Variants in RBMS3 observed in about 807,000 individuals in gnomAD.
The protein encoded by RBMS3 is RNA-binding motif, single-stranded-interacting protein 3.
In RBMS3, 27 loss-of-function variants were observed where a neutral mutation model predicts 66.8. The ratio of observed to expected loss-of-function variants is 0.40; its 90% confidence interval spans 0.30 to 0.56. The LOEUF (loss-of-function observed/expected upper bound fraction) is 0.56, where lower values mean the gene tolerates loss of function less well. Among genes scored for constraint, RBMS3 ranks in the 20% least tolerant of loss-of-function variants. RBMS3 has a pLI of 0.40. For missense variants in RBMS3, 513 were observed against 549.5 expected (o/e 0.93, Z 0.66); for synonymous variants, 188 against 183.0 (o/e 1.03, Z -0.22).
At chr3:29,359,132 A>C (rs1297345673) in intron 1 of RBMS3, among the ~76,000 whole-genome samples, 1 of 152,208 alleles carries the variant, frequency 6.6e-6, no homozygotes, top group Admixed American at 6.5e-5. Context: ...GCCAGTTTTC[A>C]AAGGGAATGC....
chr3:29,469,865 T>C (rs557402508), intron 2 of RBMS3, among the ~76,000 whole-genome samples: 2 of 150,158 alleles, frequency 1.3e-5, no homozygotes, highest in Admixed American at 1.3e-4. Flanking sequence ...ATGTGTTAAT[T>C]TTTAATTTTT....
intron 3 of RBMS3, among the ~76,000 whole-genome samples, chr3:29,504,254 C>T (rs946284273): frequency 3.3e-5 from 5 of 152,016 alleles, no homozygotes; most frequent in East Asian, 1.9e-4. Context: ...GTAATTTGTA[C>T]GTCATGAAGA....
At chr3:29,677,849 C>T (rs1285147254) in intron 4 of RBMS3, among the ~76,000 whole-genome samples, 1 of 151,996 alleles carries the variant, frequency 6.6e-6, no homozygotes, top group Non-Finnish European at 1.5e-5. Context: ...GAAAAAGCAC[C>T]AGAATGTGAG....
chr3:29,443,159 C>G (rs1346577364), intron 2 of RBMS3, among the ~76,000 whole-genome samples: 2 of 152,048 alleles, frequency 1.3e-5, no homozygotes, highest in Non-Finnish European at 2.9e-5. Flanking sequence ...CCACTATTCT[C>G]TATGTGAATA....
intron 3 of RBMS3, among the ~76,000 whole-genome samples, chr3:29,543,412 C>A (rs1032723109): frequency 1.1e-4 from 16 of 151,936 alleles, no homozygotes; most frequent in African/African-American, 3.9e-4. Context: ...ATAAAAGGAT[C>A]AAAAACACTT....
intron 7 of RBMS3, chr3:29,880,752 A>G (rs1159816971): frequency 4.6e-6 from 7 of 1,532,036 alleles, no homozygotes; most frequent in South Asian, 2.4e-5. Flanking sequence ...ACCTGACACT[A>G]TCTCTTGTTG....
At chr3:29,321,121 T>G (rs1213560837) in intron 1 of RBMS3, among the ~76,000 whole-genome samples, 1 of 152,074 alleles carries the variant, frequency 6.6e-6, no homozygotes, top group Admixed American at 6.6e-5. Flanking sequence ...ATAGAACTCT[T>G]TCTTTCACTT....
rs1221172837 is a variant in RBMS3, at chr3:29,766,367, G to A, written c.637+3378G>A. 3 of 152,036 alleles carry A rather than the reference G, an allele frequency of 2.0e-5. No homozygotes were observed. In the East Asian group the frequency reaches 5.8e-4, roughly 30 times the overall value. The allele number at this position is 152,036 out of a possible 1,614,324, so 9.4% of individuals were successfully genotyped here. A position where few individuals can be genotyped will look rare whatever the true frequency, so the allele number is the denominator to read the frequency against. The stretch of plus-strand genomic sequence containing the variant: ...TATTTCAACCTAAAATGTTGACATT[G>A]CTCTGAATTTCAAATTCTAAAAATT... On this transcript the variant is annotated intron_variant, in intron 6 of 14. Transcript: ENST00000383767.
At chr3:29,366,801 T>G (rs2037934572) in intron 1 of RBMS3, among the ~76,000 whole-genome samples, 1 of 152,188 alleles carries the variant, frequency 6.6e-6, no homozygotes, top group Non-Finnish European at 1.5e-5. Flanking sequence ...CTGCATCATT[T>G]TATTCCTCTT....
chr3:29,675,778 A>T (rs9831843), intron 4 of RBMS3, among the ~76,000 whole-genome samples: 1 of 151,948 alleles, frequency 6.6e-6, no homozygotes, highest in African/African-American at 2.4e-5. Flanking sequence ...TCAGGAAACA[A>T]TAGGTGCTGG....
chr3:29,319,058 A>G (rs2034859223), intron 1 of RBMS3, among the ~76,000 whole-genome samples: 2 of 152,028 alleles, frequency 1.3e-5, no homozygotes, highest in South Asian at 4.1e-4. Flanking sequence ...GCGTGGCTTC[A>G]GCAATAGAAG....
At chr3:29,309,948 T>C (rs2034270341) in intron 1 of RBMS3, among the ~76,000 whole-genome samples, 1 of 151,646 alleles carries the variant, frequency 6.6e-6, no homozygotes, top group East Asian at 2.0e-4. Context: ...CAGCTACTAA[T>C]GTGGGATAAC....
At chr3:29,470,306 C>T (rs1017072264) in intron 2 of RBMS3, among the ~76,000 whole-genome samples, 2 of 151,884 alleles carry the variant, frequency 1.3e-5, no homozygotes, top group Non-Finnish European at 2.9e-5. Context: ...AATTGAAATT[C>T]TATAGTTTCA....
chr3:29,721,246 T>A (rs1245887498), intron 4 of RBMS3, among the ~76,000 whole-genome samples: 1 of 152,162 alleles, frequency 6.6e-6, no homozygotes, highest in Non-Finnish European at 1.5e-5. Flanking sequence ...CCTCGTTACA[T>A]CCTTGCACAC....
chr3:29,360,087 A>G (rs773023520), intron 1 of RBMS3, among the ~76,000 whole-genome samples: 1 of 152,074 alleles, frequency 6.6e-6, no homozygotes, highest in Non-Finnish European at 1.5e-5. Flanking sequence ...GCCTTCTGCA[A>G]GCTTCTGAAT....
chr3:29,558,298 G>A (rs761660013), intron 3 of RBMS3, among the ~76,000 whole-genome samples: 1 of 151,986 alleles, frequency 6.6e-6, no homozygotes, highest in African/African-American at 2.4e-5. Flanking sequence ...AATTAAAGAT[G>A]CAATTGAAGA....
chr3:29,325,604 GTATA>G (rs148205931), intron 1 of RBMS3, among the ~76,000 whole-genome samples: 3 of 147,786 alleles, frequency 2.0e-5, no homozygotes, highest in East Asian at 2.0e-4. Flanking sequence ...ATACGTGTGT[GTATA>G]TATATGTGTG....
chr3:29,696,703 T>G (rs1249373985), intron 4 of RBMS3, among the ~76,000 whole-genome samples: 2 of 152,178 alleles, frequency 1.3e-5, no homozygotes, highest in Non-Finnish European at 2.9e-5. Context: ...AGCAGATGCT[T>G]CTGGGGAGGT....
intron 4 of RBMS3, among the ~76,000 whole-genome samples, chr3:29,717,796 C>T (rs1277557401): frequency 6.6e-6 from 1 of 152,116 alleles, no homozygotes; most frequent in Non-Finnish European, 1.5e-5. Context: ...AGAAAAATGA[C>T]TTAGCGGAGT....
Sources: gnomAD v4.1 joint callset for allele counts (sites outside exome capture counted in the v4.1 genomes callset) on GRCh38, gnomAD v4.1.1 for gene constraint, MANE v1.5 for transcripts, NCBI Gene and HGNC (gene_info 2026-07-23, HGNC 2026-07-21) for gene names.